Variants in TBCK observed in about 807,000 individuals in gnomAD.
The protein encoded by TBCK is TBC domain-containing protein kinase-like protein.
Under a neutral mutation model 113.4 loss-of-function variants are expected in TBCK, and 99 were observed. The ratio of observed to expected loss-of-function variants is 0.87; its 90% confidence interval spans 0.74 to 1.03. TBCK has a LOEUF of 1.03. Among genes scored for constraint, TBCK ranks in the 50% least tolerant of loss-of-function variants. The pLI is 0.00. For synonymous variants in TBCK, 369 were observed against 370.8 expected (o/e 1.00, Z 0.05); for missense variants, 1,045 against 1,061.3 (o/e 0.98, Z 0.21).
At chr4:106,236,341 A>G (rs529289416) in intron 14 of TBCK, 49 bp downstream of exon 14, 134 of 1,316,458 alleles carry the variant, frequency 1.0e-4, no homozygotes, top group Non-Finnish European at 1.3e-4. Flanking sequence ...AAATTAAAAA[A>G]AAATTCCATA....
intron 20 of TBCK, among the ~76,000 whole-genome samples, chr4:106,197,411 G>GTGTGTATATATATATATATATATATATA (rs35695611): frequency 8.2e-6 from 1 of 122,464 alleles, no homozygotes; most frequent in African/African-American, 3.1e-5. Context: ...GTGTGTGTGT[G>GTGTGTATATATATATATATATATATATA]TATATATATA....
chr4:106,115,033 T>A (rs1267110027), intron 24 of TBCK, among the ~76,000 whole-genome samples: 1 of 152,172 alleles, frequency 6.6e-6, no homozygotes, highest in South Asian at 2.1e-4. Context: ...GATAAGAATA[T>A]ATCATTTGAA....
intron 23 of TBCK, among the ~76,000 whole-genome samples, chr4:106,147,557 C>A (rs536793993): frequency 1.3e-5 from 2 of 152,264 alleles, no homozygotes; most frequent in South Asian, 4.2e-4. Flanking sequence ...GTCTTTACTG[C>A]AATCTCTAAA....
In TBCK at chr4:106,095,559, G is replaced by A. The variant is rs1472250263; in HGVS notation, c.2494C>T (p.Pro832Ser). Residue 832 changes from proline (P) to serine (S), a missense_variant, in exon 25 of 26, where the codon CCT becomes TCT. Coordinates refer to ENST00000394708, the MANE Select transcript of TBCK (RefSeq NM_001163435.3). Reference sequence around the variant, plus strand: ...AAGTTCTGGAGCATAGCAGTGTAAGGGCCCTGGGTAAGCTCCCCTTCTGCA... The same window carrying A: ...AAGTTCTGGAGCATAGCAGTGTAAGAGCCCTGGGTAAGCTCCCCTTCTGCA... Reference protein sequence around the residue: ...FTAEGELTQGPYTAMLQNFKG... With the variant: ...FTAEGELTQGSYTAMLQNFKG... 1.2e-6 allele frequency: 2 copies of A among 1,613,988 alleles called. No homozygotes were observed. Among genetic ancestry groups the A allele is most frequent in the Admixed American group, 1.7e-5 (1 of 60,002 alleles).
chr4:106,086,267 G>A (rs963709403), intron 25 of TBCK, among the ~76,000 whole-genome samples: 39 of 151,972 alleles, frequency 2.6e-4, no homozygotes, highest in African/African-American at 8.0e-4. Context: ...TTGATGCCAC[G>A]GAAATACAAA....
intron 3 of TBCK, among the ~76,000 whole-genome samples, chr4:106,294,325 G>T (rs1208455479): frequency 1.3e-5 from 2 of 151,772 alleles, no homozygotes; most frequent in Non-Finnish European, 2.9e-5. Context: ...GGGTAGCTGG[G>T]ATTACAGGCA....
At chr4:106,222,492 T>A (rs1266055219) in intron 19 of TBCK, among the ~76,000 whole-genome samples, 1 of 152,134 alleles carries the variant, frequency 6.6e-6, no homozygotes, top group Non-Finnish European at 1.5e-5. Flanking sequence ...TCCGAAAAGT[T>A]TTTCAGCTTT....
intron 3 of TBCK, among the ~76,000 whole-genome samples, chr4:106,293,779 G>A (rs1227995937): frequency 6.6e-6 from 1 of 152,110 alleles, no homozygotes; most frequent in Admixed American, 6.5e-5. Context: ...CTAGAATATT[G>A]TGGTAATGGA....
At chr4:106,305,749 TA>T (rs1384696189) in intron 2 of TBCK, among the ~76,000 whole-genome samples, 3 of 152,178 alleles carry the variant, frequency 2.0e-5, no homozygotes, top group African/African-American at 7.2e-5. Context: ...ACCTTGCTGA[TA>T]AAACAGGATG....
intron 25 of TBCK, among the ~76,000 whole-genome samples, chr4:106,058,218 T>C (rs1357664274): frequency 1.3e-5 from 2 of 151,734 alleles, no homozygotes; most frequent in Admixed American, 6.6e-5. Flanking sequence ...ACAATACCAT[T>C]TGATAAATGC....
chr4:106,073,873 G>T (rs879594221), intron 25 of TBCK, among the ~76,000 whole-genome samples: 2 of 152,208 alleles, frequency 1.3e-5, no homozygotes, highest in Admixed American at 6.5e-5. Flanking sequence ...ATCTCAGACT[G>T]CTGTGCCAGC....
intron 22 of TBCK, among the ~76,000 whole-genome samples, chr4:106,172,422 G>C (rs537883615): frequency 1.3e-5 from 2 of 152,244 alleles, no homozygotes; most frequent in South Asian, 2.1e-4. Context: ...AAAGTAGAAA[G>C]ATCACAGAAA....
intron 23 of TBCK, among the ~76,000 whole-genome samples, chr4:106,168,463 T>G (rs1393214675): frequency 3.3e-5 from 5 of 151,942 alleles, no homozygotes; most frequent in Admixed American, 2.6e-4. Flanking sequence ...ACCATTTCTT[T>G]TTAACATTAT....
chr4:106,183,019 T>C (rs983186428), intron 22 of TBCK, among the ~76,000 whole-genome samples: 6 of 152,082 alleles, frequency 3.9e-5, no homozygotes, highest in Non-Finnish European at 7.4e-5. Context: ...CAGCATAGAA[T>C]GTTATTACTT....
intron 23 of TBCK, among the ~76,000 whole-genome samples, chr4:106,154,997 CT>C (rs1212632561): frequency 6.6e-6 from 1 of 151,366 alleles, no homozygotes; most frequent in Non-Finnish European, 1.5e-5. Context: ...CATTAAAAGT[CT>C]TTTCTTTTTG....
At chr4:106,212,962 ATTT>A in intron 19 of TBCK, 127 bp from the exon 20 acceptor site, 1 of 631,324 alleles carries the variant, frequency 1.6e-6, no homozygotes, top group South Asian at 2.4e-5. Context: ...TTACGTGATA[ATTT>A]TGTTTTGTTA....
chr4:106,257,402 A>T (rs12508432), intron 5 of TBCK, among the ~76,000 whole-genome samples: 19,733 of 152,112 alleles, frequency 0.13, 1,607 homozygotes, highest in South Asian at 0.24. Context: ...TTCAAATATT[A>T]TTTCTATTTT....
chr4:106,261,416 A>C (rs1762496359), intron 4 of TBCK, among the ~76,000 whole-genome samples: 1 of 152,010 alleles, frequency 6.6e-6, no homozygotes, highest in South Asian at 2.1e-4. Flanking sequence ...CCAAGTATTG[A>C]TTTGGGAAAA....
chr4:106,255,870 G>C (rs1761930295), intron 5 of TBCK, among the ~76,000 whole-genome samples: 1 of 152,152 alleles, frequency 6.6e-6, no homozygotes, highest in African/African-American at 2.4e-5. Context: ...CACCTAAAGA[G>C]ACCCACAGTG....
Sources: allele counts gnomAD v4.1 joint callset (sites outside exome capture counted in the v4.1 genomes callset), GRCh38; gene constraint gnomAD v4.1.1; transcripts MANE v1.5; gene names NCBI Gene and HGNC (gene_info 2026-07-23, HGNC 2026-07-21).